PTPRM: variants seen among roughly 807,000 people sequenced by gnomAD.
PTPRM encodes protein tyrosine phosphatase receptor type M.
In PTPRM, 47 loss-of-function variants were observed where a neutral mutation model predicts 186.7. The observed-to-expected ratio is 0.25, with a 90% CI of 0.20 to 0.32. The LOEUF (loss-of-function observed/expected upper bound fraction) is 0.32. Among genes scored for constraint, PTPRM ranks in the 10% least tolerant of loss-of-function variants. The pLI, the probability that PTPRM is intolerant of heterozygous loss-of-function variation, is 1.00. For missense variants in PTPRM, 1,494 were observed against 1,865.0 expected (o/e 0.80, Z 3.66); for synonymous variants, 668 against 674.9 (o/e 0.99, Z 0.16).
intron 1 of PTPRM, among the ~76,000 whole-genome samples, chr18:7,685,203 C>T (rs2039573271): frequency 6.6e-6 from 1 of 152,152 alleles, no homozygotes; most frequent in Admixed American, 6.5e-5. Context: ...CTCAGAATGC[C>T]TCCAAGTGCC....
chr18:8,370,188 C>A (rs1282122682), intron 23 of PTPRM, among the ~76,000 whole-genome samples: 51 of 75,222 alleles, frequency 6.8e-4, no homozygotes, highest in African/African-American at 2.0e-3. Flanking sequence ...AACATTCTTA[C>A]CAAAAAAAAA....
intron 19 of PTPRM, among the ~76,000 whole-genome samples, chr18:8,272,666 T>G (rs1345939504): frequency 6.6e-6 from 1 of 152,186 alleles, no homozygotes; most frequent in Non-Finnish European, 1.5e-5. Context: ...TTATATACAA[T>G]CAGAACATTC....
intron 31 of PTPRM, among the ~76,000 whole-genome samples, chr18:8,392,263 A>G (rs970161246): frequency 1.3e-5 from 2 of 152,226 alleles, no homozygotes; most frequent in Non-Finnish European, 2.9e-5. Context: ...TAGAAATTTG[A>G]TAATTTTAAA....
chr18:7,833,502 C>A (rs1003242382), intron 2 of PTPRM, among the ~76,000 whole-genome samples: 17 of 152,048 alleles, frequency 1.1e-4, no homozygotes, highest in Non-Finnish European at 2.9e-5. Flanking sequence ...GTGAGGCCAA[C>A]GTGGGCAGAT....
Position 7,906,482 on chromosome 18 carries a change from G to A in PTPRM, c.469-23G>A, listed in dbSNP as rs979450052. ...AAGTAAGACAAAATGAATAAATAAT[G>A]TAAATCTTTCTTAATTTTCCAGGTG... is the stretch of plus-strand genomic sequence containing the variant. On this transcript the variant is annotated intron_variant, in intron 3 of 32. Transcript: ENST00000580170. 12 of 1,559,472 alleles carry A rather than the reference G, an allele frequency of 7.7e-6. No individual in the cohort carries two copies. In the African/African-American group the frequency reaches 1.1e-4, roughly 14 times the overall value.
chr18:7,690,881 T>G (rs1205138091), intron 1 of PTPRM, among the ~76,000 whole-genome samples: 1 of 152,224 alleles, frequency 6.6e-6, no homozygotes, highest in African/African-American at 2.4e-5. Flanking sequence ...TATACTTCTT[T>G]TCTGATTCAA....
At chr18:7,927,410 C>T (rs2051235404) in intron 5 of PTPRM, among the ~76,000 whole-genome samples, 1 of 150,834 alleles carries the variant, frequency 6.6e-6, no homozygotes, top group South Asian at 2.1e-4. Context: ...CTGGAGGCTG[C>T]TCATTTTTCA....
At chr18:8,260,160 AAGG>A (rs200279445) in intron 19 of PTPRM, among the ~76,000 whole-genome samples, 2,248 of 151,890 alleles carry the variant, frequency 0.015, 20 homozygotes, top group Middle Eastern at 0.024. Context: ...GACCAAACAG[AAGG>A]AGAATTGCTT....
intron 22 of PTPRM, among the ~76,000 whole-genome samples, chr18:8,324,285 G>A (rs967072241): frequency 2.0e-5 from 3 of 152,070 alleles, no homozygotes; most frequent in Non-Finnish European, 4.4e-5. Flanking sequence ...TGTTATAATC[G>A]TTAGTATTTT....
At chr18:7,713,924 G>A (rs779878947) in intron 1 of PTPRM, among the ~76,000 whole-genome samples, 4 of 152,040 alleles carry the variant, frequency 2.6e-5, no homozygotes, top group Non-Finnish European at 5.9e-5. Flanking sequence ...CATAGTAATA[G>A]TGGGAGACTT....
At chr18:7,689,445 C>T (rs2039685648) in intron 1 of PTPRM, among the ~76,000 whole-genome samples, 1 of 152,172 alleles carries the variant, frequency 6.6e-6, no homozygotes, top group Non-Finnish European at 1.5e-5. Context: ...TGGATTTTCT[C>T]CTCACCAAGG....
chr18:8,172,603 A>G (rs2093419204), intron 14 of PTPRM, among the ~76,000 whole-genome samples: 1 of 151,958 alleles, frequency 6.6e-6, no homozygotes, highest in Admixed American at 6.6e-5. Flanking sequence ...ATGTTTAACA[A>G]CCACTGCTCC....
intron 1 of PTPRM, among the ~76,000 whole-genome samples, chr18:7,648,295 T>G (rs1301854324): frequency 6.6e-6 from 1 of 152,166 alleles, no homozygotes; most frequent in Non-Finnish European, 1.5e-5. Flanking sequence ...TCTCTGCCTT[T>G]CCTTGGGCCT....
At chr18:8,110,344 G>T (rs2091700741) in intron 11 of PTPRM, among the ~76,000 whole-genome samples, 2 of 152,206 alleles carry the variant, frequency 1.3e-5, no homozygotes, top group African/African-American at 4.8e-5. Flanking sequence ...GCCCTTGAGA[G>T]AGACTCATTG....
chr18:7,689,290 G>C (rs886754825), intron 1 of PTPRM, among the ~76,000 whole-genome samples: 8 of 152,224 alleles, frequency 5.3e-5, no homozygotes, highest in Non-Finnish European at 8.8e-5. Flanking sequence ...AGAAGTCCCT[G>C]AGTTCTAGGC....
intron 2 of PTPRM, chr18:7,814,011 C>T (rs1377680715): frequency 5.3e-5 from 8 of 152,182 alleles, no homozygotes; most frequent in Admixed American, 5.2e-4. Flanking sequence ...TAAAGCATTC[C>T]TTATACTATT....
At chr18:8,001,552 C>T (rs1440303075) in intron 7 of PTPRM, among the ~76,000 whole-genome samples, 1 of 151,836 alleles carries the variant, frequency 6.6e-6, no homozygotes, top group Non-Finnish European at 1.5e-5. Context: ...TTTATTTGCC[C>T]CTCCACCAGC....
At position 7,654,011 on chromosome 18, in the gene PTPRM, C is replaced by T. The variant is rs186999490; in HGVS notation, c.73+86120C>T. On this transcript the variant is annotated intron_variant, in intron 1 of 32. Transcript: ENST00000580170. Reference sequence around the variant, plus strand: ...TTTGACTTTTTAATAATAGTCATTCCGACTGGTGTGAGATGGTATCTCACT... The same window carrying T: ...TTTGACTTTTTAATAATAGTCATTCTGACTGGTGTGAGATGGTATCTCACT... Among the ~76,000 whole-genome samples, 16 of 152,068 alleles carry T rather than the reference C, an allele frequency of 1.1e-4. No homozygotes were observed. The East Asian group carries it at 1.5e-3, about 15-fold the overall frequency.
chr18:7,858,950 A>G (rs917061516), intron 2 of PTPRM, among the ~76,000 whole-genome samples: 1 of 152,234 alleles, frequency 6.6e-6, no homozygotes, highest in African/African-American at 2.4e-5. Flanking sequence ...TACTGTAATT[A>G]TATGAGTGTC....
Sources: gnomAD v4.1 joint callset for allele counts (sites outside exome capture counted in the v4.1 genomes callset) on GRCh38, gnomAD v4.1.1 for gene constraint, MANE v1.5 for transcripts, NCBI Gene and HGNC (gene_info 2026-07-23, HGNC 2026-07-21) for gene names.